Variants in KIAA0930 observed in about 807,000 individuals in gnomAD.
KIAA0930 encodes uncharacterized protein KIAA0930.
A neutral mutation model predicts 43.9 loss-of-function variants in KIAA0930; 24 were observed. The observed-to-expected ratio is 0.55, with a 90% CI of 0.40 to 0.77. The LOEUF is 0.77. Among genes scored for constraint, KIAA0930 ranks in the 30% least tolerant of loss-of-function variants. The pLI is 0.00. For missense variants in KIAA0930, 461 were observed against 574.2 expected (o/e 0.80, Z 2.02); for synonymous variants, 259 against 216.4 (o/e 1.20, Z -1.73).
At chr22:45,221,585 TATGAC>T (rs2083767991) in intron 1 of KIAA0930, among the ~76,000 whole-genome samples, 1 of 152,236 alleles carries the variant, frequency 6.6e-6, no homozygotes, top group African/African-American at 2.4e-5. Context: ...GAATGGCATA[TATGAC>T]ATAATAAATA....
intron 1 of KIAA0930, chr22:45,213,184 A>G: frequency 1.5e-6 from 1 of 653,304 alleles, no homozygotes. Context: ...CAAATGCAGA[A>G]CACCCCAGCC....
intron 1 of KIAA0930, among the ~76,000 whole-genome samples, chr22:45,215,518 T>A (rs368127051): frequency 2.0e-5 from 3 of 152,152 alleles, no homozygotes; most frequent in African/African-American, 7.2e-5. Flanking sequence ...ATAACCACAA[T>A]GAAGACGACG....
intron 1 of KIAA0930, among the ~76,000 whole-genome samples, chr22:45,231,122 G>T (rs1012283911): frequency 6.6e-6 from 1 of 151,478 alleles, no homozygotes; most frequent in African/African-American, 2.4e-5. Flanking sequence ...GCATGGTGGT[G>T]GCCGCCTATA....
chr22:45,200,098 G>A (rs1358749800), intron 7 of KIAA0930, 63 bp from the exon 8 acceptor site: 17 of 1,477,324 alleles, frequency 1.2e-5, no homozygotes, highest in East Asian at 2.6e-5. Context: ...GGGTCCCAAC[G>A]CCCCTCCTAT....
intron 1 of KIAA0930, among the ~76,000 whole-genome samples, chr22:45,235,621 C>T (rs1399012000): frequency 6.6e-6 from 1 of 152,224 alleles, no homozygotes; most frequent in African/African-American, 2.4e-5. Context: ...AACCCTGATT[C>T]CACGTGCAGG....
intron 1 of KIAA0930, among the ~76,000 whole-genome samples, chr22:45,224,812 A>G (rs1302730652): frequency 6.6e-6 from 1 of 152,094 alleles, no homozygotes; most frequent in Admixed American, 6.5e-5. Flanking sequence ...ATCAGCCCTG[A>G]GGCTGAGGAA....
chr22:45,213,969 C>T (rs1432408552), intron 1 of KIAA0930, among the ~76,000 whole-genome samples: 1 of 152,076 alleles, frequency 6.6e-6, no homozygotes, highest in Non-Finnish European at 1.5e-5. Context: ...CGAGATCGCA[C>T]CATTGCACTC....
rs569715469 is a variant in KIAA0930, at chr22:45,202,058, GAA to G, written c.852+930_852+931del. ...GATGAGAAAACTGAGGCTTGGAGAG[GAA>G]AAGAGACACACCCAAGGTTATGAGA... is the stretch of plus-strand genomic sequence containing the variant. On this transcript the variant is annotated intron_variant, in intron 7 of 9. Coordinates refer to ENST00000336156, the MANE Select transcript of KIAA0930 (RefSeq NM_001009880.2). 1.7e-3 allele frequency among the ~76,000 whole-genome samples: 255 copies of G among 152,358 alleles called. 1 individual carries two copies. Among genetic ancestry groups the G allele is most frequent in the African/African-American group, 5.8e-3 (243 of 41,582 alleles).
rs1292583288 is a variant in KIAA0930 at position 45,212,039 on chromosome 22, C to T, written c.133G>A (p.Ala45Thr). 6.2e-7 allele frequency: 1 copy of T among 1,613,760 alleles called. No homozygotes were observed. Among genetic ancestry groups the T allele is most frequent in the African/African-American group, 1.3e-5 (1 of 74,910 alleles). Reference protein sequence around the residue: ...MFSTYFMEKWAPRQDDMLFYV... With the variant: ...MFSTYFMEKWTPRQDDMLFYV... The stretch of plus-strand genomic sequence containing the variant: ...AAAAGCATGTCGTCCTGCCGGGGAG[C>T]CCATTTCTCCATGAAGTAGGTGGAG... The change falls in exon 2 of 10, where the codon GCT becomes ACT. Residue 45 changes from alanine (A) to threonine (T), a missense_variant. Transcript: ENST00000336156.
chr22:45,205,608 G>C, intron 4 of KIAA0930, 22 bp downstream of exon 4: 3 of 1,611,216 alleles, frequency 1.9e-6, no homozygotes, highest in Non-Finnish European at 2.5e-6. Flanking sequence ...AGGAGGCTGG[G>C]GGCTCTCGTG....
intron 2 of KIAA0930, among the ~76,000 whole-genome samples, chr22:45,209,332 C>T (rs1191839132): frequency 6.6e-6 from 1 of 152,200 alleles, no homozygotes; most frequent in Non-Finnish European, 1.5e-5. Context: ...GGGGGGTCTC[C>T]CCGTCTCCCC....
rs760992623 is a variant in KIAA0930 at position 45,205,242 on chromosome 22, A to C, written c.491T>G (p.Phe164Cys). The C allele has an allele frequency of 2.5e-6, 4 of 1,614,056 alleles. No individual in the cohort carries two copies. In the South Asian group the frequency reaches 4.4e-5, roughly 18 times the overall value. The change falls in exon 5 of 10, where the codon TTC becomes TGC. Residue 164 changes from phenylalanine (F) to cysteine (C), a missense_variant. Phe to Cys is a radical substitution (Grantham distance 205). Coordinates refer to ENST00000336156, the MANE Select transcript of KIAA0930 (RefSeq NM_001009880.2). ...CTCCTCGAAGCTGTCAATCATGAAG[A>C]AGATGTTGGGGTAGCTGATCTTGGA... Reference protein sequence around the residue: ...EESKISYPNIFFMIDSFEEVF... With the variant: ...EESKISYPNICFMIDSFEEVF...
At chr22:45,199,821 CAAG>C (rs1286906654) in intron 8 of KIAA0930, 49 bp downstream of exon 8, 17 of 1,424,752 alleles carry the variant, frequency 1.2e-5, no homozygotes, top group African/African-American at 1.2e-4. Flanking sequence ...TGGTCTGGAT[CAAG>C]AAGAGACTGA....
rs1248816130 is a variant in KIAA0930, at chr22:45,193,022, A to G, written c.*4154T>C. The G allele has an allele frequency of 6.6e-6, 1 of 152,200 alleles. No individual in the cohort carries two copies. Among genetic ancestry groups the G allele is most frequent in the Non-Finnish European group, 1.5e-5 (1 of 68,054 alleles). 9.4% of individuals were successfully genotyped at this position (152,200 alleles called of 1,614,324 possible). On this transcript the variant is annotated 3_prime_UTR_variant, in exon 10 of 10. Coordinates refer to ENST00000336156, the MANE Select transcript of KIAA0930 (RefSeq NM_001009880.2). The stretch of plus-strand genomic sequence containing the variant: ...CTGCTGAAGAGCTGCTCTCCCTCGA[A>G]GGGCAGTGGCTGCCCCCTCCAGAGG...
chr22:45,221,717 T>C (rs964664394), intron 1 of KIAA0930, among the ~76,000 whole-genome samples: 1 of 151,896 alleles, frequency 6.6e-6, no homozygotes, highest in Non-Finnish European at 1.5e-5. Flanking sequence ...AAACACACAA[T>C]AACTGGGTTT....
intron 2 of KIAA0930, among the ~76,000 whole-genome samples, chr22:45,208,071 C>T (rs368844280): frequency 2.0e-5 from 3 of 152,310 alleles, no homozygotes; most frequent in African/African-American, 7.2e-5. Context: ...GGTTCCCCAT[C>T]AGAAAGGTGT....
At chr22:45,238,393 C>T (rs1227957105) in intron 1 of KIAA0930, among the ~76,000 whole-genome samples, 1 of 152,196 alleles carries the variant, frequency 6.6e-6, no homozygotes, top group Admixed American at 6.5e-5. Context: ...CTGGGTAATG[C>T]CTTTGAAGGC....
chr22:45,217,654 C>T (rs960735384), intron 1 of KIAA0930, among the ~76,000 whole-genome samples: 1 of 152,160 alleles, frequency 6.6e-6, no homozygotes, highest in African/African-American at 2.4e-5. Context: ...CTTGTCTGAC[C>T]TCAGCTGGAA....
At chr22:45,197,702 A>C in intron 9 of KIAA0930, 88 bp downstream of exon 9, 1 of 1,417,016 alleles carries the variant, frequency 7.1e-7, no homozygotes, top group South Asian at 1.2e-5. Context: ...GGGCGGGATG[A>C]CTCCGGGTGG....
Sources: gnomAD v4.1 joint callset for allele counts (sites outside exome capture counted in the v4.1 genomes callset) on GRCh38, gnomAD v4.1.1 for gene constraint, MANE v1.5 for transcripts, NCBI Gene and HGNC (gene_info 2026-07-23, HGNC 2026-07-21) for gene names.